GPHN: variants seen among roughly 807,000 people sequenced by gnomAD.
GPHN encodes gephyrin.
In GPHN, 17 loss-of-function variants were observed where a neutral mutation model predicts 95.5. That is an observed-to-expected ratio of 0.18 (90% CI 0.12 to 0.27). The LOEUF (loss-of-function observed/expected upper bound fraction) is 0.27. Among genes scored for constraint, GPHN ranks in the 10% least tolerant of loss-of-function variants. GPHN has a pLI of 1.00. For missense variants in GPHN, 660 were observed against 978.1 expected, an observed-to-expected ratio of 0.67 and a Z score of 4.34; for synonymous variants, 320 against 322.5, an observed-to-expected ratio of 0.99 and a Z score of 0.08.
chr14:66,965,143 T>G, intron 8 of GPHN, 48 bp from the exon 9 acceptor site: 1 of 1,526,948 alleles, frequency 6.5e-7, no homozygotes, highest in African/African-American at 1.4e-5. Context: ...ATTCTACATG[T>G]TATTGACATT....
At chr14:67,501,602 C>A in the GPHN span, among the ~76,000 whole-genome samples, 1 of 152,096 alleles carries the variant, frequency 6.6e-6, no homozygotes, top group Admixed American at 6.6e-5. Context: ...GGAGCCAGGG[C>A]TGAGATTAGG....
At chr14:66,862,025 T>A (rs1158936073) in intron 4 of GPHN, among the ~76,000 whole-genome samples, 1 of 151,232 alleles carries the variant, frequency 6.6e-6, no homozygotes, top group Middle Eastern at 3.2e-3. Context: ...ATGAAGGAAA[T>A]ACAAAAAGAT....
the GPHN span, chr14:67,646,813 A>T: frequency 6.9e-7 from 1 of 1,447,512 alleles, no homozygotes; most frequent in Non-Finnish European, 9.7e-7. Flanking sequence ...CTGATGCTTA[A>T]CTTGGTCTAT....
At chr14:66,730,836 A>G (rs2071699605) in intron 2 of GPHN, among the ~76,000 whole-genome samples, 2 of 152,206 alleles carry the variant, frequency 1.3e-5, no homozygotes, top group African/African-American at 4.8e-5. Flanking sequence ...TCTGTGTCAG[A>G]CACTGATATG....
At chr14:67,125,820 A>G (rs1406246820) in intron 17 of GPHN, among the ~76,000 whole-genome samples, 1 of 151,926 alleles carries the variant, frequency 6.6e-6, no homozygotes, top group Admixed American at 6.6e-5. Context: ...TTACTCAACT[A>G]TGACAGATAA....
intron 2 of GPHN, among the ~76,000 whole-genome samples, chr14:66,774,290 C>T (rs2059301100): frequency 6.6e-6 from 1 of 152,120 alleles, no homozygotes; most frequent in African/African-American, 2.4e-5. Flanking sequence ...GCATGAGCCA[C>T]CGCGCCCGGC....
the GPHN span, among the ~76,000 whole-genome samples, chr14:67,654,886 G>C: frequency 1.3e-5 from 2 of 151,868 alleles, no homozygotes; most frequent in Non-Finnish European, 2.9e-5. Flanking sequence ...AAAATTAGCC[G>C]GGTGTGGTGG....
At chr14:66,684,633 G>A (rs1481439058) in intron 2 of GPHN, among the ~76,000 whole-genome samples, 1 of 152,134 alleles carries the variant, frequency 6.6e-6, no homozygotes, top group East Asian at 1.9e-4. Flanking sequence ...TACTGGGCTT[G>A]AATGAACCAA....
chr14:67,599,685 T>C, the GPHN span, among the ~76,000 whole-genome samples: 1 of 152,136 alleles, frequency 6.6e-6, no homozygotes, highest in Admixed American at 6.5e-5. Context: ...CCTTGAACTC[T>C]TGGAATTAAA....
chr14:66,997,454 T>G (rs2071895918), intron 9 of GPHN, among the ~76,000 whole-genome samples: 2 of 152,096 alleles, frequency 1.3e-5, no homozygotes, highest in Admixed American at 1.3e-4. Context: ...CTACATGTAT[T>G]TACTTTGTAT....
At chr14:66,934,138 C>CAAAA (rs376252931) in intron 8 of GPHN, among the ~76,000 whole-genome samples, 2 of 78,922 alleles carry the variant, frequency 2.5e-5, no homozygotes, top group Non-Finnish European at 6.2e-5. Context: ...GACTCTGTCT[C>CAAAA]AAAAAAAAAA....
At chr14:66,766,476 AC>A (rs1371536011) in intron 2 of GPHN, among the ~76,000 whole-genome samples, 1 of 152,150 alleles carries the variant, frequency 6.6e-6, no homozygotes, top group Non-Finnish European at 1.5e-5. Flanking sequence ...ATTGAATGAA[AC>A]ACTAGACTCA....
chr14:67,616,581 C>T, the GPHN span: 1 of 151,016 alleles, frequency 6.6e-6, no homozygotes, highest in Non-Finnish European at 1.5e-5. Context: ...GAACTATAAA[C>T]TATTTCAGAC....
the GPHN span, among the ~76,000 whole-genome samples, chr14:67,188,837 CTTTTCTTTCTTTTTCTTTCT>C: frequency 6.9e-6 from 1 of 145,830 alleles, no homozygotes; most frequent in Non-Finnish European, 1.5e-5. Context: ...TTCTTTCTTT[CTTTTCTTTCTTTTTCTTTCT>C]TTTTCTTTCT....
At position 66,682,675 on chromosome 14, in the gene GPHN, G is replaced by A. The variant is rs112089067; in HGVS notation, c.143+1490G>A. ...TGAGGCAGGAGAATCTCTCGAACCC[G>A]GGTGGCGGAGGTTTCAGTGAGCTGA... On this transcript the variant is annotated intron_variant, in intron 2 of 22. Transcript: ENST00000478722. 3.6e-3 allele frequency among the ~76,000 whole-genome samples: 554 copies of A among 152,236 alleles called. 12 individuals carry two copies. Among genetic ancestry groups the A allele is most frequent in the African/African-American group, 0.013 (528 of 41,544 alleles).
At chr14:66,741,528 C>T (rs1050840970) in intron 2 of GPHN, among the ~76,000 whole-genome samples, 1 of 152,058 alleles carries the variant, frequency 6.6e-6, no homozygotes, top group Non-Finnish European at 1.5e-5. Context: ...GAGAGTAATA[C>T]CAGAGACAAA....
the GPHN span, among the ~76,000 whole-genome samples, chr14:67,732,348 G>A: frequency 1.3e-5 from 2 of 150,160 alleles, no homozygotes; most frequent in Non-Finnish European, 3.0e-5. Flanking sequence ...TAAGGTGGGA[G>A]GATGGCTTCA....
At chr14:66,735,773 A>G (rs1051924917) in intron 2 of GPHN, among the ~76,000 whole-genome samples, 3 of 152,180 alleles carry the variant, frequency 2.0e-5, no homozygotes, top group Admixed American at 6.5e-5. Context: ...CTGGTCTTCA[A>G]CAGACTCTCT....
At chr14:67,174,447 A>AT in intron 21 of GPHN, among the ~76,000 whole-genome samples, 1 of 152,140 alleles carries the variant, frequency 6.6e-6, no homozygotes, top group Non-Finnish European at 1.5e-5. Flanking sequence ...TCCATGGTGT[A>AT]TATGTGCCAC....
Sources: allele counts gnomAD v4.1 joint callset (sites outside exome capture counted in the v4.1 genomes callset), GRCh38; gene constraint gnomAD v4.1.1; transcripts MANE v1.5; gene names NCBI Gene and HGNC (gene_info 2026-07-23, HGNC 2026-07-21).